Variants in TASP1 observed in about 807,000 individuals in gnomAD.
The protein encoded by TASP1 is taspase 1.
A neutral mutation model predicts 56.6 loss-of-function variants in TASP1; 16 were observed. The observed-to-expected ratio is 0.28, with a 90% confidence interval of 0.19 to 0.43. The LOEUF is 0.43. Ranked by LOEUF, TASP1 falls within the 20% of genes least tolerant of loss-of-function variation. The pLI is 1.00. For missense variants in TASP1, 393 were observed against 511.6 expected (o/e 0.77, Z 2.24); for synonymous variants, 179 against 184.2 (o/e 0.97, Z 0.23).
At chr20:13,518,872 C>T (rs1188886078) in intron 10 of TASP1, among the ~76,000 whole-genome samples, 1 of 152,100 alleles carries the variant, frequency 6.6e-6, no homozygotes, top group African/African-American at 2.4e-5. Flanking sequence ...AAAGACAAGG[C>T]ACTCACATGT....
At chr20:13,127,773 A>T in the TASP1 span, among the ~76,000 whole-genome samples, 4 of 152,226 alleles carry the variant, frequency 2.6e-5, no homozygotes, top group Non-Finnish European at 5.9e-5. Context: ...AAAGGCCTGC[A>T]GGAGGATATT....
the TASP1 span, among the ~76,000 whole-genome samples, chr20:13,343,535 C>T: frequency 6.6e-6 from 1 of 152,214 alleles, no homozygotes; most frequent in African/African-American, 2.4e-5. Flanking sequence ...GCTGCGGTTC[C>T]ACCGCTTCCA....
chr20:13,591,000 G>A (rs2047510912), intron 4 of TASP1, among the ~76,000 whole-genome samples: 1 of 150,398 alleles, frequency 6.6e-6, no homozygotes, highest in East Asian at 1.9e-4. Context: ...TAATAATACA[G>A]CAATAAAAAT....
At chr20:13,570,329 TC>T (rs1407734660) in intron 6 of TASP1, among the ~76,000 whole-genome samples, 2 of 152,142 alleles carry the variant, frequency 1.3e-5, no homozygotes, top group African/African-American at 4.8e-5. Flanking sequence ...AATCACTCCA[TC>T]TTCTTCCATA....
At chr20:13,126,671 C>A in the TASP1 span, 1 of 1,614,046 alleles carries the variant, frequency 6.2e-7, no homozygotes, top group Admixed American at 1.7e-5. Flanking sequence ...CAGAGCAAAT[C>A]ATCAGATCAC....
chr20:13,613,714 T>G (rs1022021170), intron 4 of TASP1, among the ~76,000 whole-genome samples: 1 of 152,012 alleles, frequency 6.6e-6, no homozygotes, highest in African/African-American at 2.4e-5. Flanking sequence ...TTTGAGGCTG[T>G]AGCCAATTGG....
At chr20:13,340,473 T>C in the TASP1 span, among the ~76,000 whole-genome samples, 1 of 151,226 alleles carries the variant, frequency 6.6e-6, no homozygotes, top group Non-Finnish European at 1.5e-5. Flanking sequence ...CAGTATACAT[T>C]ATTCAAGTGT....
At chr20:13,456,416 C>T (rs1394127936) in intron 11 of TASP1, among the ~76,000 whole-genome samples, 1 of 152,062 alleles carries the variant, frequency 6.6e-6, no homozygotes, top group African/African-American at 2.4e-5. Flanking sequence ...CATTAGCCCT[C>T]CACCATATAG....
chr20:13,471,600 T>A (rs1253946680), intron 11 of TASP1, among the ~76,000 whole-genome samples: 1 of 152,182 alleles, frequency 6.6e-6, no homozygotes, highest in African/African-American at 2.4e-5. Flanking sequence ...GTTCTATTTC[T>A]CTAATTGCCA....
intron 8 of TASP1, among the ~76,000 whole-genome samples, chr20:13,535,087 G>C (rs1601156913): frequency 6.6e-6 from 1 of 152,102 alleles, no homozygotes; most frequent in Admixed American, 6.6e-5. Flanking sequence ...ATGCATGTAA[G>C]AGCCAGGCCC....
At chr20:13,580,186 C>T (rs2047070545) in intron 6 of TASP1, among the ~76,000 whole-genome samples, 1 of 152,248 alleles carries the variant, frequency 6.6e-6, no homozygotes, top group South Asian at 2.1e-4. Flanking sequence ...CGGCTCATGC[C>T]TGTTAATCCC....
intron 10 of TASP1, among the ~76,000 whole-genome samples, chr20:13,495,361 T>C (rs1272084597): frequency 2.0e-5 from 3 of 152,146 alleles, no homozygotes; most frequent in South Asian, 2.1e-4. Flanking sequence ...TAAAGTACCA[T>C]AGAAAAAAGT....
the TASP1 span, among the ~76,000 whole-genome samples, chr20:13,148,595 C>T: frequency 6.6e-6 from 1 of 152,200 alleles, no homozygotes; most frequent in Non-Finnish European, 1.5e-5. Flanking sequence ...TTTTATTTGC[C>T]ACACCCAGTG....
the TASP1 span, chr20:13,368,630 T>A: frequency 1.2e-4 from 18 of 152,074 alleles, no homozygotes; most frequent in Admixed American, 1.2e-3. Context: ...ATAGTGGTGG[T>A]TGCAAATTAG....
At chr20:13,544,848 A>T (rs1034504345) in intron 8 of TASP1, among the ~76,000 whole-genome samples, 26 of 152,296 alleles carry the variant, frequency 1.7e-4, no homozygotes, top group African/African-American at 5.5e-4. Flanking sequence ...GTCTTATAGC[A>T]GTGGGGAGTA....
chr20:13,435,562 C>A lies in TASP1; in HGVS notation c.986-408G>T, dbSNP rs186010977. ...CACCACCAAAAGCTTCAGTTTACTA[C>A]CTTAAATGCAATTTGAAACAATAAG... is the stretch of plus-strand genomic sequence containing the variant. On this transcript the variant is annotated intron_variant, in intron 11 of 13. Coordinates refer to ENST00000337743, the MANE Select transcript of TASP1 (RefSeq NM_017714.3). Among the ~76,000 whole-genome samples, 4 of 152,292 alleles carry A rather than the reference C, an allele frequency of 2.6e-5. No homozygotes were observed. The East Asian group carries it at 7.7e-4, about 29-fold the overall frequency.
intron 4 of TASP1, among the ~76,000 whole-genome samples, chr20:13,621,607 T>C (rs2048720787): frequency 6.6e-6 from 1 of 152,100 alleles, no homozygotes; most frequent in Admixed American, 6.6e-5. Context: ...AAACACAAGT[T>C]ATCCGAAACT....
At chr20:13,118,955 C>T in the TASP1 span, among the ~76,000 whole-genome samples, 1 of 152,216 alleles carries the variant, frequency 6.6e-6, no homozygotes, top group African/African-American at 2.4e-5. Context: ...CTTTCGGGCT[C>T]AAAGCATTGT....
chr20:13,588,821 CA>C (rs928707639), intron 4 of TASP1, among the ~76,000 whole-genome samples: 8 of 152,006 alleles, frequency 5.3e-5, no homozygotes, highest in African/African-American at 1.9e-4. Context: ...TCCTAAAATT[CA>C]TATGGAAATG....
Sources: gnomAD v4.1 joint callset for allele counts (sites outside exome capture counted in the v4.1 genomes callset) on GRCh38, gnomAD v4.1.1 for gene constraint, MANE v1.5 for transcripts, NCBI Gene and HGNC (gene_info 2026-07-23, HGNC 2026-07-21) for gene names.